NF1: variants seen among roughly 807,000 people sequenced by gnomAD.
The protein encoded by NF1 is neurofibromin.
A neutral mutation model predicts 325.7 loss-of-function variants in NF1; 122 were observed. The observed-to-expected ratio is 0.37, with a 90% CI of 0.32 to 0.44. NF1 has a LOEUF of 0.44. NF1 is among the 20% of genes least tolerant of loss of function. NF1 has a pLI of 1.00. For synonymous variants in NF1, 1,091 were observed against 1,186.0 expected (o/e 0.92, Z 1.65); for missense variants, 2,140 against 3,415.4 (o/e 0.63, Z 9.31).
chr17:31,179,179 A>C (rs948409680), intron 5 of NF1, among the ~76,000 whole-genome samples: 3 of 152,252 alleles, frequency 2.0e-5, no homozygotes, highest in African/African-American at 7.2e-5. Flanking sequence ...ACCACAGTGC[A>C]ATCAAACTAG....
At chr17:31,341,314 C>T (rs1367732916) in intron 47 of NF1, among the ~76,000 whole-genome samples, 1 of 152,006 alleles carries the variant, frequency 6.6e-6, no homozygotes, top group Non-Finnish European at 1.5e-5. Flanking sequence ...CAGTTGAGCT[C>T]AGGAGTTAGA....
intron 36 of NF1, among the ~76,000 whole-genome samples, chr17:31,287,959 A>G (rs2068269321): frequency 6.7e-6 from 1 of 148,832 alleles, no homozygotes; most frequent in Non-Finnish European, 1.5e-5. Flanking sequence ...GAGGGATAGC[A>G]TTGGGAGATA....
chr17:31,331,904 T>TAAAAAAAAA (rs755592420), intron 39 of NF1: 2 of 42,882 alleles, frequency 4.7e-5, no homozygotes, highest in African/African-American at 1.3e-4. Context: ...CCTTCTCTAT[T>TAAAAAAAAA]AAAAAAAAAA....
At chr17:31,258,707 T>C (rs1413765637) in intron 32 of NF1, among the ~76,000 whole-genome samples, 2 of 152,172 alleles carry the variant, frequency 1.3e-5, no homozygotes, top group African/African-American at 2.4e-5. Context: ...CATTTTATTA[T>C]AGCAGATGTC....
intron 29 of NF1, 99 bp downstream of exon 29, chr17:31,236,120 G>T: frequency 1.2e-6 from 1 of 821,656 alleles, no homozygotes; most frequent in Admixed American, 2.2e-5. Context: ...TTCTCCCCTT[G>T]ATCATTAAAA....
At chr17:31,140,390 G>T (rs1205963491) in intron 1 of NF1, among the ~76,000 whole-genome samples, 1 of 152,194 alleles carries the variant, frequency 6.6e-6, no homozygotes, top group Non-Finnish European at 1.5e-5. Flanking sequence ...CTTGTGCTCA[G>T]TAAGTGCTAA....
At chr17:31,289,152 A>G (rs1448234263) in intron 36 of NF1, among the ~76,000 whole-genome samples, 2 of 152,204 alleles carry the variant, frequency 1.3e-5, no homozygotes, top group Non-Finnish European at 2.9e-5. Flanking sequence ...TGAGAGGGCA[A>G]GAAGAGGGAG....
At chr17:31,280,218 T>A (rs61051542) in intron 36 of NF1, among the ~76,000 whole-genome samples, 17,056 of 149,716 alleles carry the variant, frequency 0.11, 2,777 homozygotes, top group African/African-American at 0.36. Flanking sequence ...TAATTTTTTT[T>A]TTTTTTAAAA....
At chr17:31,176,642 T>C (rs1249348432) in intron 5 of NF1, among the ~76,000 whole-genome samples, 1 of 152,202 alleles carries the variant, frequency 6.6e-6, no homozygotes, top group Admixed American at 6.5e-5. Context: ...TGGTTTTAGG[T>C]CTTATGTTTA....
intron 36 of NF1, among the ~76,000 whole-genome samples, chr17:31,312,376 T>A (rs2068899462): frequency 6.6e-6 from 1 of 151,898 alleles, no homozygotes; most frequent in Non-Finnish European, 1.5e-5. Flanking sequence ...CCAGGCGTGG[T>A]GGTGGGTGCC....
chr17:31,363,618 A>G (rs533775986), intron 57 of NF1, among the ~76,000 whole-genome samples: 1 of 149,834 alleles, frequency 6.7e-6, no homozygotes, highest in South Asian at 2.1e-4. Flanking sequence ...TTGTATTTTT[A>G]GTAGAGATGG....
intron 36 of NF1, among the ~76,000 whole-genome samples, chr17:31,323,689 C>T (rs551407687): frequency 6.6e-6 from 1 of 152,310 alleles, no homozygotes; most frequent in South Asian, 2.1e-4. Context: ...GTCTCTTCAA[C>T]ACATCTAGTT....
chr17:31,149,507 C>T (rs1157943246), intron 1 of NF1, among the ~76,000 whole-genome samples: 1 of 152,084 alleles, frequency 6.6e-6, no homozygotes, highest in Non-Finnish European at 1.5e-5. Context: ...AGCATGTTGG[C>T]CAGGCTGGTC....
intron 5 of NF1, among the ~76,000 whole-genome samples, chr17:31,179,065 C>A (rs1170616422): frequency 6.6e-6 from 1 of 152,172 alleles, no homozygotes; most frequent in African/African-American, 2.4e-5. Context: ...AATGTATATT[C>A]TTCTCAGCAC....
intron 36 of NF1, among the ~76,000 whole-genome samples, chr17:31,313,747 TG>T: frequency 6.7e-6 from 1 of 149,946 alleles, no homozygotes; most frequent in South Asian, 2.1e-4. Context: ...TGTGTGTGTG[TG>T]TGTGTGTGTG....
At chr17:31,296,284 CAGA>C (rs1361711983) in intron 36 of NF1, 1 of 1,613,982 alleles carries the variant, frequency 6.2e-7, no homozygotes, top group Admixed American at 1.7e-5. Flanking sequence ...GTGTGAGAAA[CAGA>C]AGGATGAACA....
At chr17:31,103,813 T>TA (rs919911272) in intron 1 of NF1, among the ~76,000 whole-genome samples, 58 of 149,700 alleles carry the variant, frequency 3.9e-4, no homozygotes, top group Middle Eastern at 3.4e-3. Flanking sequence ...CTACAAAAAG[T>TA]AAAAAAAACA....
intron 29 of NF1, among the ~76,000 whole-genome samples, chr17:31,246,871 A>G (rs543751872): frequency 2.6e-5 from 4 of 152,282 alleles, no homozygotes; most frequent in African/African-American, 9.6e-5. Context: ...TTTAATCACA[A>G]CATCAGAGTT....
chr17:31,213,399 A>AT (rs1438055615), intron 12 of NF1, among the ~76,000 whole-genome samples: 2 of 152,202 alleles, frequency 1.3e-5, no homozygotes, highest in African/African-American at 4.8e-5. Context: ...TAACAAATGC[A>AT]TATTTCACTT....
Sources: allele counts gnomAD v4.1 joint callset (sites outside exome capture counted in the v4.1 genomes callset), GRCh38; gene constraint gnomAD v4.1.1; transcripts MANE v1.5; gene names NCBI Gene and HGNC (gene_info 2026-07-23, HGNC 2026-07-21).